The following RRP15 variants were observed in gnomAD, a reference collection of about 807,000 sequenced individuals.
The protein encoded by RRP15 is RRP15-like protein.
In RRP15, 18 loss-of-function variants were observed where a neutral mutation model predicts 27.1. The observed-to-expected ratio is 0.66, with a 90% CI of 0.46 to 0.98. The LOEUF (loss-of-function observed/expected upper bound fraction) is 0.98. Among genes scored for constraint, RRP15 ranks in the 50% least tolerant of loss-of-function variants. RRP15 has a pLI of 0.00. For synonymous variants in RRP15, 107 were observed against 109.4 expected, an observed-to-expected ratio of 0.98 and a Z score of 0.14; for missense variants, 359 against 337.8, an observed-to-expected ratio of 1.06 and a Z score of -0.49.
In RRP15 at chr1:218,337,630, A is replaced by G. The variant is rs1339597488; in HGVS notation, c.*6539A>G. 1 of 152,222 alleles carries G rather than the reference A, an allele frequency of 6.6e-6. No individual in the cohort carries two copies. The highest frequency in any genetic ancestry group is 1.5e-5 in the Non-Finnish European group (1 of 68,032). The allele number at this position is 152,222 out of a possible 1,614,324, so 9.4% of individuals were successfully genotyped here. A position where few individuals can be genotyped will look rare whatever the true frequency, so the allele number is the denominator to read the frequency against. ...GCCAACAATGCATGAGGTGAATAGAATAAGACTTTTTTTTAAAGAATGTAA... is the reference window on the plus strand; with the variant it reads ...GCCAACAATGCATGAGGTGAATAGAGTAAGACTTTTTTTTAAAGAATGTAA... On this transcript the variant is annotated 3_prime_UTR_variant, in exon 5 of 5. Transcript: ENST00000366932.
At chr1:218,287,302 A>G (rs17047574) in intron 1 of RRP15, among the ~76,000 whole-genome samples, 10,757 of 152,096 alleles carry the variant, frequency 0.071, 636 homozygotes, top group African/African-American at 0.16. Context: ...TTCTATTCAA[A>G]TACTGGATAA....
chr1:218,322,711 C>T (rs186817077), intron 4 of RRP15, among the ~76,000 whole-genome samples: 140 of 152,300 alleles, frequency 9.2e-4, no homozygotes, highest in African/African-American at 3.0e-3. Context: ...GGCATTTATA[C>T]ATCTCTGTAT....
intron 4 of RRP15, among the ~76,000 whole-genome samples, chr1:218,329,237 C>CAA (rs1164512474): frequency 0.04 from 2,147 of 53,570 alleles, 284 homozygotes; most frequent in East Asian, 0.088. Flanking sequence ...CCTGTCTCTA[C>CAA]AAAAAAAAAA....
intron 4 of RRP15, among the ~76,000 whole-genome samples, chr1:218,315,954 C>T (rs1262565876): frequency 6.6e-6 from 1 of 152,152 alleles, no homozygotes; most frequent in Non-Finnish European, 1.5e-5. Context: ...CTAAATAGAG[C>T]TTAGGCAAAA....
In RRP15 at chr1:218,334,170, G is replaced by C. The variant is rs1321814783; in HGVS notation, c.*3079G>C. ...AAAATAGAATTATCTTAGTAGTTTA[G>C]CACTTTTTATAATGGAGTTGGAGCA... is the stretch of plus-strand genomic sequence containing the variant. On this transcript the variant is annotated 3_prime_UTR_variant, in exon 5 of 5. Transcript: ENST00000366932. 1 of 152,088 alleles carries C rather than the reference G, an allele frequency of 6.6e-6. No individual in the cohort carries two copies. Among genetic ancestry groups the C allele is most frequent in the Non-Finnish European group, 1.5e-5 (1 of 68,014 alleles). The allele number at this position is 152,088 out of a possible 1,614,324, so 9.4% of individuals were successfully genotyped here.
In RRP15 at chr1:218,302,415, G is replaced by C; in HGVS notation, c.261G>C (p.Gly87=). The change falls in exon 2 of 5, where the codon GGG becomes GGC. Residue 87 remains glycine, a synonymous_variant. Coordinates refer to ENST00000366932, the MANE Select transcript of RRP15 (RefSeq NM_016052.4). Reference sequence around the variant, plus strand: ...AAAATGATGGAGAATCAAGTGTTGGGACTAATATGGGCTGGGCAGATGCTA... The same window carrying C: ...AAAATGATGGAGAATCAAGTGTTGGCACTAATATGGGCTGGGCAGATGCTA... ...ENENDGESSV[G]TNMGWADAMA... 2.8e-5 allele frequency: 46 copies of C among 1,614,048 alleles called. No homozygotes were observed. Among genetic ancestry groups the C allele is most frequent in the Non-Finnish European group, 3.9e-5 (46 of 1,179,994 alleles).
chr1:218,309,583 T>C lies in RRP15; in HGVS notation c.705+1951T>C, dbSNP rs34914449. Among the ~76,000 whole-genome samples, 1,136 of 143,524 alleles carry C rather than the reference T, an allele frequency of 7.9e-3. 5 individuals are homozygous for C. Among genetic ancestry groups the C allele is most frequent in the Non-Finnish European group, 0.01 (676 of 67,240 alleles). 94.2% of individuals were successfully genotyped at this position (143,524 alleles called of 152,430 possible). A position where few individuals can be genotyped will look rare whatever the true frequency, so the allele number is the denominator to read the frequency against. On this transcript the variant is annotated intron_variant, in intron 4 of 4. Transcript: ENST00000366932. ...CTGTAATCCCAGCTAATCAGGAGGC[T>C]GAGGTGGGAGAATCTCTTGAACCCG...
intron 4 of RRP15, among the ~76,000 whole-genome samples, chr1:218,309,693 A>AC (rs1390424735): frequency 6.6e-6 from 1 of 150,840 alleles, no homozygotes; most frequent in Non-Finnish European, 1.5e-5. Flanking sequence ...AAAAAAAAAA[A>AC]AAAAAAAAAA....
chr1:218,330,727 C>G (rs994485353), intron 4 of RRP15, among the ~76,000 whole-genome samples: 1 of 151,960 alleles, frequency 6.6e-6, no homozygotes, highest in East Asian at 1.9e-4. Flanking sequence ...TTTATGGAGT[C>G]CATACAATAT....
intron 1 of RRP15, among the ~76,000 whole-genome samples, chr1:218,298,700 C>G (rs919456597): frequency 1.3e-5 from 2 of 152,118 alleles, no homozygotes; most frequent in Non-Finnish European, 2.9e-5. Context: ...AATATGGTAG[C>G]CTCTAGCCAC....
chr1:218,287,055 G>GC (rs945073310), intron 1 of RRP15, among the ~76,000 whole-genome samples: 1 of 136,572 alleles, frequency 7.3e-6, no homozygotes, highest in African/African-American at 2.7e-5. Flanking sequence ...CTCCCCCACC[G>GC]CCCCCCAAAG....
chr1:218,297,939 T>G (rs994802367), intron 1 of RRP15, among the ~76,000 whole-genome samples: 1 of 152,158 alleles, frequency 6.6e-6, no homozygotes, highest in Non-Finnish European at 1.5e-5. Flanking sequence ...CCAAACTTAC[T>G]TTCTTTATGC....
chr1:218,306,348 A>G (rs2102500842), intron 3 of RRP15, among the ~76,000 whole-genome samples: 1 of 152,274 alleles, frequency 6.6e-6, no homozygotes, highest in Non-Finnish European at 1.5e-5. Context: ...GTTGTGTTAC[A>G]AGAACTGGAA....
chr1:218,293,807 C>A (rs911082669), intron 1 of RRP15, among the ~76,000 whole-genome samples: 2 of 152,066 alleles, frequency 1.3e-5, no homozygotes, highest in Non-Finnish European at 2.9e-5. Flanking sequence ...GGGACAGAGA[C>A]CTTGTTACTG....
At chr1:218,326,649 C>T (rs1454063933) in intron 4 of RRP15, among the ~76,000 whole-genome samples, 1 of 152,166 alleles carries the variant, frequency 6.6e-6, no homozygotes. Flanking sequence ...TTCCAGTCTC[C>T]TACTTAGAAG....
intron 4 of RRP15, among the ~76,000 whole-genome samples, chr1:218,315,129 TTA>T (rs1170462567): frequency 6.6e-6 from 1 of 152,174 alleles, no homozygotes; most frequent in Admixed American, 6.5e-5. Flanking sequence ...TATGAGCACT[TTA>T]AATGTCATAC....
At chr1:218,297,181 G>A (rs12126172) in intron 1 of RRP15, among the ~76,000 whole-genome samples, 350 of 152,270 alleles carry the variant, frequency 2.3e-3, no homozygotes, top group Non-Finnish European at 4.0e-3. Flanking sequence ...GAAAGTACTG[G>A]AATAAGAACA....
chr1:218,298,668 G>T (rs1395477688), intron 1 of RRP15, among the ~76,000 whole-genome samples: 1 of 152,160 alleles, frequency 6.6e-6, no homozygotes, highest in African/African-American at 2.4e-5. Flanking sequence ...CAGTACGTCG[G>T]AGGTTTAGCC....
chr1:218,318,232 C>CT (rs760419564), intron 4 of RRP15, among the ~76,000 whole-genome samples: 77 of 151,744 alleles, frequency 5.1e-4, no homozygotes, highest in South Asian at 1.0e-3. Flanking sequence ...CGAAGATTCT[C>CT]TTTTTTAAAA....
Sources: allele counts gnomAD v4.1 joint callset (sites outside exome capture counted in the v4.1 genomes callset), GRCh38; gene constraint gnomAD v4.1.1; transcripts MANE v1.5; gene names NCBI Gene and HGNC (gene_info 2026-07-23, HGNC 2026-07-21).